BTN2A2: variants seen among roughly 807,000 people sequenced by gnomAD.
The protein encoded by BTN2A2 is butyrophilin subfamily 2 member A2.
A neutral mutation model predicts 34.7 loss-of-function variants in BTN2A2; 29 were observed. The ratio of observed to expected loss-of-function variants is 0.84; its 90% CI spans 0.62 to 1.14. The LOEUF is 1.14. Ranked by LOEUF, BTN2A2 falls within the 50% of genes most tolerant of loss-of-function variation. The probability of loss-of-function intolerance (pLI) is 0.00; values close to 1 mark genes in which losing one functional copy is unlikely to be tolerated. For synonymous variants in BTN2A2, 240 were observed against 253.1 expected, an observed-to-expected ratio of 0.95 and a Z score of 0.49; for missense variants, 612 against 651.5, an observed-to-expected ratio of 0.94 and a Z score of 0.66.
intron 5 of BTN2A2, 116 bp downstream of exon 5, chr6:26,390,327 C>T: frequency 9.2e-7 from 1 of 1,090,356 alleles, no homozygotes. Flanking sequence ...CAGGTACCGG[C>T]TTAGGGAAGA....
intron 5 of BTN2A2, 34 bp downstream of exon 5, chr6:26,390,245 G>T (rs1410732822): frequency 1.9e-6 from 3 of 1,592,502 alleles, no homozygotes; most frequent in Admixed American, 1.7e-5. Context: ...TGGAAAAATA[G>T]AAAGAAATTC....
chr6:26,389,868 G>A (rs1190673016), intron 4 of BTN2A2, 137 bp from the exon 5 acceptor site: 11 of 819,230 alleles, frequency 1.3e-5, no homozygotes, highest in Admixed American at 1.0e-4. Flanking sequence ...AGCCAGCATC[G>A]CTTTCTCCAT....
At position 26,392,766 on chromosome 6, in the gene BTN2A2, C is replaced by T. The variant is rs776172712; in HGVS notation, c.1371C>T (p.Val457=). Residue 457 remains valine (V), a synonymous_variant, in exon 8 of 8, where the codon GTC becomes GTT. Transcript: ENST00000356709. ...TCCTGGACTATGAAGCTGGAGATGTCTCCTTCTACAACATGAGGGACAGAT... is the reference window on the plus strand; with the variant it reads ...TCCTGGACTATGAAGCTGGAGATGTTTCCTTCTACAACATGAGGGACAGAT... The part of the protein sequence containing the change: ...GVFLDYEAGD[V]SFYNMRDRSH... 2 of 1,614,052 alleles carry T rather than the reference C, an allele frequency of 1.2e-6. No individual in the cohort carries two copies. Among genetic ancestry groups the T allele is most frequent in the African/African-American group, 2.7e-5 (2 of 74,930 alleles).
At chr6:26,389,930 A>G in intron 4 of BTN2A2, 75 bp from the exon 5 acceptor site, 1 of 1,427,146 alleles carries the variant, frequency 7.0e-7, no homozygotes. Context: ...GGAGCTCTTC[A>G]GATGTGCTCT....
chr6:26,392,135 G>A, intron 7 of BTN2A2: 3 of 1,305,972 alleles, frequency 2.3e-6, no homozygotes, highest in Non-Finnish European at 3.2e-6. Context: ...TAAACTCTCT[G>A]GATTTCATAG....
chr6:26,390,134 G>C lies in BTN2A2; in HGVS notation c.854G>C (p.Cys285Ser). The C allele has an allele frequency of 6.2e-7, 1 of 1,614,036 alleles. No homozygotes were observed. Among genetic ancestry groups the C allele is most frequent in the South Asian group, 1.1e-5 (1 of 91,084 alleles). The change falls in exon 5 of 8, where the codon TGC becomes TCC. Residue 285 changes from cysteine (C) to serine (S), a missense_variant. Coordinates refer to ENST00000356709, the MANE Select transcript of BTN2A2 (RefSeq NM_006995.5). Reference protein sequence around the residue: ...FIIFMAVSICCIKKLQREKKI... With the variant: ...FIIFMAVSICSIKKLQREKKI... The stretch of plus-strand genomic sequence containing the variant: ...ATCTTCATGGCTGTCAGCATCTGTT[G>C]CATCAAGAAACTTCAAAGGGAAAAA...
At chr6:26,392,308 G>A (rs1416829937) in intron 7 of BTN2A2, 67 bp from the exon 8 acceptor site, 1 of 1,612,000 alleles carries the variant, frequency 6.2e-7, no homozygotes. Flanking sequence ...CTTCTCTGGG[G>A]ACCAGGAACC....
chr6:26,386,784 T>C (rs1010059556), intron 3 of BTN2A2, among the ~76,000 whole-genome samples: 4 of 152,220 alleles, frequency 2.6e-5, no homozygotes, highest in Non-Finnish European at 5.9e-5. Flanking sequence ...TGCTTACCCG[T>C]ATTGAACCCA....
In BTN2A2 at chr6:26,394,010, C is replaced by A. The variant is rs999751423; in HGVS notation, c.*1043C>A. On this transcript the variant is annotated 3_prime_UTR_variant, in exon 8 of 8. Transcript: ENST00000356709. ...AAGTGTGACACTGGTTAACTTTTTC[C>A]AGATCTCATGTCTGGCTTAATAAGA... 1 of 330,802 alleles carries A rather than the reference C, an allele frequency of 3.0e-6. No individual in the cohort carries two copies. Among genetic ancestry groups the A allele is most frequent in the Non-Finnish European group, 5.4e-6 (1 of 184,608 alleles). 20.5% of individuals were successfully genotyped at this position (330,802 alleles called of 1,614,324 possible). A position where few individuals can be genotyped will look rare whatever the true frequency, so the allele number is the denominator to read the frequency against.
intron 7 of BTN2A2, chr6:26,392,163 A>T: frequency 6.8e-7 from 1 of 1,464,820 alleles, no homozygotes; most frequent in South Asian, 1.2e-5. Flanking sequence ...ATTCTTCTCA[A>T]CCTGGGGGCA....
intron 4 of BTN2A2, among the ~76,000 whole-genome samples, chr6:26,389,035 G>A (rs1761401468): frequency 1.3e-5 from 2 of 152,100 alleles, no homozygotes; most frequent in African/African-American, 4.8e-5. Context: ...CAGGAGAATT[G>A]CTTGAACCCA....
rs985715573 is a variant in BTN2A2 at position 26,383,549 on chromosome 6, G to C, written c.-30-243G>C. On this transcript the variant is annotated intron_variant, in intron 1 of 7. Transcript: ENST00000356709. The surrounding 1 kb of genome is among the most constrained non-coding windows in gnomAD (Gnocchi z 4.4). Reference sequence around the variant, plus strand: ...GAATCCAGGGACAACTGAAGAAACCGGACTGTGGCCCGAGAAGTGGGAAGA... The same window carrying C: ...GAATCCAGGGACAACTGAAGAAACCCGACTGTGGCCCGAGAAGTGGGAAGA... The C allele has an allele frequency of 2.3e-6, 1 of 431,456 alleles. No individual in the cohort carries two copies. The highest frequency in any genetic ancestry group is 4.2e-6 in the Non-Finnish European group (1 of 240,156). The allele number at this position is 431,456 out of a possible 1,614,324, so 26.7% of individuals were successfully genotyped here.
At position 26,384,004 on chromosome 6, in the gene BTN2A2, G is replaced by A; in HGVS notation, c.94+89G>A. 7.0e-7 allele frequency: 1 copy of A among 1,427,178 alleles called. No individual in the cohort carries two copies. The allele number at this position is 1,427,178 out of a possible 1,614,324, so 88.4% of individuals were successfully genotyped here. ...AAAGGGAAAGAAGGAAGAACTGTGG[G>A]GTTGTTGACTTATCCTTTCATTCTG... On this transcript the variant is annotated intron_variant, in intron 2 of 7. Coordinates refer to ENST00000356709, the MANE Select transcript of BTN2A2 (RefSeq NM_006995.5). This position sits in a 1 kb window ranked among gnomAD's most constrained non-coding sequence, Gnocchi z 4.0.
At position 26,394,017 on chromosome 6, in the gene BTN2A2, C is replaced by T. The variant is rs918128488; in HGVS notation, c.*1050C>T. 1.2e-5 allele frequency: 4 copies of T among 343,474 alleles called. No individual in the cohort carries two copies. The Admixed American group carries it at 1.4e-4, about 12-fold the overall frequency. 21.3% of individuals were successfully genotyped at this position (343,474 alleles called of 1,614,324 possible). The stretch of plus-strand genomic sequence containing the variant: ...ACACTGGTTAACTTTTTCCAGATCT[C>T]ATGTCTGGCTTAATAAGAGATATTT... On this transcript the variant is annotated 3_prime_UTR_variant, in exon 8 of 8. Transcript: ENST00000356709.
chr6:26,392,845 T>C lies in BTN2A2; in HGVS notation c.1450T>C (p.Phe484Leu), dbSNP rs761509171. 12 of 1,614,228 alleles carry C rather than the reference T, an allele frequency of 7.4e-6. No homozygotes were observed. Among genetic ancestry groups the C allele is most frequent in the Admixed American group, 1.7e-5 (1 of 60,028 alleles). The stretch of plus-strand genomic sequence containing the variant: ...CTTTACTGTGCCTGTGAGGCCCTTC[T>C]TCAGGTTAGGGTCTGATGACAGCCC... ...SAFTVPVRPF[F>L]RLGSDDSPIF... is the part of the protein sequence containing the mutation. Residue 484 changes from phenylalanine (F) to leucine (L), a missense_variant, in exon 8 of 8, where the codon TTC becomes CTC. Coordinates refer to ENST00000356709, the MANE Select transcript of BTN2A2 (RefSeq NM_006995.5).
Position 26,383,994 on chromosome 6 carries a change from A to G in BTN2A2, c.94+79A>G. ...TGTAGTCTGCAAAGGGAAAGAAGGA[A>G]GAACTGTGGGGTTGTTGACTTATCC... On this transcript the variant is annotated intron_variant, in intron 2 of 7. Transcript: ENST00000356709. The surrounding 1 kb of genome is among the most constrained non-coding windows in gnomAD (Gnocchi z 4.4). 1.3e-6 allele frequency: 2 copies of G among 1,486,198 alleles called. No individual in the cohort carries two copies. Among genetic ancestry groups the G allele is most frequent in the Non-Finnish European group, 1.9e-6 (2 of 1,065,070 alleles). The allele number at this position is 1,486,198 out of a possible 1,614,324, so 92.1% of individuals were successfully genotyped here.
chr6:26,389,794 A>G (rs191291487), intron 4 of BTN2A2, among the ~76,000 whole-genome samples: 2 of 152,244 alleles, frequency 1.3e-5, no homozygotes, highest in Admixed American at 6.5e-5. Flanking sequence ...GTGACTCCAG[A>G]TGTTTCTGCT....
Position 26,383,362 on chromosome 6 carries a change from T to G in BTN2A2, c.-31+181T>G, listed in dbSNP as rs1399454828. ...ACAGCTCCGGGGTGGGGGCGGTAGCTGGGGGCGGTAGGTGCGGGGAGCGGG... is the reference window on the plus strand; with the variant it reads ...ACAGCTCCGGGGTGGGGGCGGTAGCGGGGGGCGGTAGGTGCGGGGAGCGGG... On this transcript the variant is annotated intron_variant, in intron 1 of 7. Coordinates refer to ENST00000356709, the MANE Select transcript of BTN2A2 (RefSeq NM_006995.5). The surrounding 1 kb of genome is among the most constrained non-coding windows in gnomAD (Gnocchi z 4.4). The G allele has an allele frequency of 6.2e-6, 1 of 160,964 alleles. No individual in the cohort carries two copies. The highest frequency in any genetic ancestry group is 1.3e-5 in the Non-Finnish European group (1 of 75,854). The allele number at this position is 160,964 out of a possible 1,614,324, so 10.0% of individuals were successfully genotyped here. A position where few individuals can be genotyped will look rare whatever the true frequency, so the allele number is the denominator to read the frequency against.
At position 26,390,192 on chromosome 6, in the gene BTN2A2, A is replaced by G; in HGVS notation, c.912A>G (p.Gln304=). 1 of 1,614,054 alleles carries G rather than the reference A, an allele frequency of 6.2e-7. No individual in the cohort carries two copies. The highest frequency in any genetic ancestry group is 8.5e-7 in the Non-Finnish European group (1 of 1,179,982). ...KILSGEKKVE[Q]EEKEIAQQLQ... ...TGTCAGGGGAAAAGAAAGTTGAACA[A>G]GAGGAAAAAGAAATTGCACGTAAGG... Residue 304 remains glutamine (Q), a synonymous_variant, in exon 5 of 8, where the codon CAA becomes CAG. Coordinates refer to ENST00000356709, the MANE Select transcript of BTN2A2 (RefSeq NM_006995.5).
Sources: gnomAD v4.1 joint callset for allele counts (sites outside exome capture counted in the v4.1 genomes callset) on GRCh38, gnomAD v4.1.1 for gene constraint, Gnocchi (gnomAD v3.1) non-coding constraint, MANE v1.5 for transcripts, NCBI Gene and HGNC (gene_info 2026-07-23, HGNC 2026-07-21) for gene names.